The following CCDC7 variants were observed in gnomAD, a reference collection of about 807,000 sequenced individuals.
The protein encoded by CCDC7 is coiled-coil domain containing 7, also known as coiled-coil domain-containing protein 7.
Under a neutral mutation model 196.9 loss-of-function variants are expected in CCDC7, and 183 were observed. The ratio of observed to expected loss-of-function variants is 0.93; its 90% confidence interval spans 0.82 to 1.05. CCDC7 has a LOEUF of 1.05. CCDC7 is among the 50% of genes least tolerant of loss of function. The probability of loss-of-function intolerance (pLI) is 0.00; values close to 1 mark genes in which losing one functional copy is unlikely to be tolerated. For missense variants in CCDC7, 1,540 were observed against 1,482.2 expected, an observed-to-expected ratio of 1.04 and a Z score of -0.64; for synonymous variants, 525 against 484.6, an observed-to-expected ratio of 1.08 and a Z score of -1.10.
Position 32,598,968 on chromosome 10 carries a change from G to A in CCDC7, c.1801+14664G>A, listed in dbSNP as rs76305304. ...TGTTCAAGTCAAATATTTACTAACTGCTCTTCTCTCTGCCTGTTGTGTCCA... is the reference window on the plus strand; with the variant it reads ...TGTTCAAGTCAAATATTTACTAACTACTCTTCTCTCTGCCTGTTGTGTCCA... On this transcript the variant is annotated intron_variant, in intron 18 of 41. Transcript: ENST00000639629. 7.9e-3 allele frequency among the ~76,000 whole-genome samples: 1,202 copies of A among 152,182 alleles called. 6 individuals carry two copies. The highest frequency in any genetic ancestry group is 0.02 in the Middle Eastern group (6 of 294).
chr10:32,818,328 A>T (rs1384071820), intron 31 of CCDC7, among the ~76,000 whole-genome samples: 1 of 152,224 alleles, frequency 6.6e-6, no homozygotes, highest in Non-Finnish European at 1.5e-5. Context: ...GAGCACCCAG[A>T]TTTATAAAGC....
intron 18 of CCDC7, among the ~76,000 whole-genome samples, chr10:32,629,870 C>A (rs1331962468): frequency 6.6e-6 from 1 of 152,188 alleles, no homozygotes; most frequent in Admixed American, 6.5e-5. Context: ...GGAGCATCCT[C>A]AGGAAGAAAG....
chr10:32,776,224 A>G (rs1041575180), intron 28 of CCDC7, among the ~76,000 whole-genome samples: 6 of 151,008 alleles, frequency 4.0e-5, no homozygotes, highest in Non-Finnish European at 5.9e-5. Flanking sequence ...TGGCACATGT[A>G]TACATATGTA....
At chr10:32,874,528 A>G (rs910165984) in intron 41 of CCDC7, among the ~76,000 whole-genome samples, 3 of 151,696 alleles carry the variant, frequency 2.0e-5, no homozygotes, top group Middle Eastern at 3.2e-3. Flanking sequence ...AAGTGAGAAC[A>G]TGTGGTATTT....
At chr10:32,865,982 A>G (rs881034) in intron 41 of CCDC7, among the ~76,000 whole-genome samples, 22,163 of 151,866 alleles carry the variant, frequency 0.15, 1,920 homozygotes, top group East Asian at 0.25. Flanking sequence ...TTATACAAAC[A>G]CACACATCCT....
Position 32,567,896 on chromosome 10 carries a change from G to T in CCDC7, c.1419+5G>T. The T allele has an allele frequency of 6.2e-7, 1 of 1,608,108 alleles. No individual in the cohort carries two copies. Among genetic ancestry groups the T allele is most frequent in the South Asian group, 1.1e-5 (1 of 89,856 alleles). ...AAAATCCAAGAATATCCACAGGTGA[G>T]GAAATAACCAAAATGGAGACAGTAG... On this transcript the variant is annotated splice_donor_5th_base_variant and intron_variant, in intron 15 of 41. Coordinates refer to ENST00000639629, the Ensembl canonical transcript of CCDC7.
At chr10:32,859,624 A>G (rs1283321681) in intron 41 of CCDC7, among the ~76,000 whole-genome samples, 1 of 152,178 alleles carries the variant, frequency 6.6e-6, no homozygotes, top group African/African-American at 2.4e-5. Flanking sequence ...GTGAATCCAG[A>G]GTTGGTTTTC....
chr10:32,498,788 C>T (rs113697094), intron 9 of CCDC7, among the ~76,000 whole-genome samples: 20,314 of 151,342 alleles, frequency 0.13, 1,608 homozygotes, highest in African/African-American at 0.22. Context: ...GTGGGTAACC[C>T]GACCTTTCTC....
intron 9 of CCDC7, chr10:32,511,434 T>C: frequency 6.2e-7 from 1 of 1,608,938 alleles, no homozygotes; most frequent in Non-Finnish European, 8.5e-7. Context: ...GCCTTTTTCT[T>C]GTCTGTTATT....
chr10:32,663,739 T>G (rs2072021263), intron 20 of CCDC7, among the ~76,000 whole-genome samples: 2 of 152,118 alleles, frequency 1.3e-5, no homozygotes, highest in African/African-American at 4.8e-5. Context: ...CTGTAATGAA[T>G]AAACTTGCAC....
At chr10:32,518,127 GC>G in intron 10 of CCDC7, 152 bp downstream of exon 11, 2 of 1,074,088 alleles carry the variant, frequency 1.9e-6, no homozygotes, top group Non-Finnish European at 2.5e-6. Flanking sequence ...TTTCTGGAAA[GC>G]CTTGTCTATT....
Position 32,662,533 on chromosome 10 carries a change from TTAAA to T in CCDC7, c.2015-1519_2015-1516del, listed in dbSNP as rs200355079. Among the ~76,000 whole-genome samples the T allele has an allele frequency of 6.6e-3, 1,008 of 152,270 alleles. 8 individuals carry two copies. Among genetic ancestry groups the T allele is most frequent in the African/African-American group, 0.022 (903 of 41,556 alleles). On this transcript the variant is annotated intron_variant, in intron 20 of 41. Coordinates refer to ENST00000639629, the Ensembl canonical transcript of CCDC7. ...GCTCTGTGTTGTGCCCCCATGACTA[TTAAA>T]TGATGATAAGCATCTAATGGAGAGC... is the stretch of plus-strand genomic sequence containing the variant.
chr10:32,517,786 TAAAAAG>T (rs1032233240), intron 9 of CCDC7, among the ~76,000 whole-genome samples, 153 bp from the exon 11 acceptor site: 2 of 142,788 alleles, frequency 1.4e-5, no homozygotes, highest in Admixed American at 7.0e-5. Flanking sequence ...ATAAAATAAA[TAAAAAG>T]AAAAAGAAAA....
intron 20 of CCDC7, among the ~76,000 whole-genome samples, chr10:32,659,712 C>G (rs1412471157): frequency 1.3e-5 from 2 of 152,004 alleles, no homozygotes; most frequent in Non-Finnish European, 2.9e-5. Context: ...ATGTGGCCGA[C>G]AATCATATAA....
chr10:32,457,801 T>C (rs1245024468), intron 3 of CCDC7, among the ~76,000 whole-genome samples: 1 of 152,178 alleles, frequency 6.6e-6, no homozygotes, highest in Non-Finnish European at 1.5e-5. Context: ...AGCATTTTTT[T>C]CATATACTTT....
At chr10:32,613,253 G>A (rs2062387895) in intron 18 of CCDC7, among the ~76,000 whole-genome samples, 1 of 151,858 alleles carries the variant, frequency 6.6e-6, no homozygotes, top group Non-Finnish European at 1.5e-5. Context: ...TATTTTTGTG[G>A]GATTGGTGGT....
At position 32,604,268 on chromosome 10, in the gene CCDC7, G is replaced by T. The variant is rs2061358047; in HGVS notation, c.1801+19964G>T. Among the ~76,000 whole-genome samples the T allele has an allele frequency of 2.0e-5, 3 of 151,888 alleles. No homozygotes were observed. In the South Asian group the frequency reaches 6.2e-4, roughly 32 times the overall value. On this transcript the variant is annotated intron_variant, in intron 18 of 41. Coordinates refer to ENST00000639629, the Ensembl canonical transcript of CCDC7. ...CTGTAAGTGCATAGCTTTACTTCTG[G>T]GTTCTCTATTCTGTTCCATTGGTCT... is the stretch of plus-strand genomic sequence containing the variant.
chr10:32,684,367 G>A (rs2076223883), intron 21 of CCDC7, among the ~76,000 whole-genome samples: 1 of 152,172 alleles, frequency 6.6e-6, no homozygotes, highest in Non-Finnish European at 1.5e-5. Flanking sequence ...TCAGTCTGGG[G>A]GCCCCAGGGA....
chr10:32,698,127 G>C (rs2078035915), intron 24 of CCDC7, among the ~76,000 whole-genome samples: 2 of 152,076 alleles, frequency 1.3e-5, no homozygotes, highest in African/African-American at 2.4e-5. Context: ...ACTGTTAGAA[G>C]AAAAACTAAC....
Sources: gnomAD v4.1 joint callset for allele counts (sites outside exome capture counted in the v4.1 genomes callset) on GRCh38, gnomAD v4.1.1 for gene constraint, MANE v1.5 for transcripts, NCBI Gene and HGNC (gene_info 2026-07-23, HGNC 2026-07-21) for gene names.